HNRNPF: variants seen among roughly 807,000 people sequenced by gnomAD.
HNRNPF encodes HnRNP F protein.
HNRNPF carries 2 observed loss-of-function variants against 26.0 expected under a neutral mutation model. That is an observed-to-expected ratio of 0.08 (90% CI 0.03 to 0.24). The LOEUF (loss-of-function observed/expected upper bound fraction) is 0.24, where lower values mean the gene tolerates loss of function less well. HNRNPF is among the 10% of genes least tolerant of loss of function. The pLI is 1.00. For synonymous variants in HNRNPF, 234 were observed against 211.5 expected, an observed-to-expected ratio of 1.11 and a Z score of -0.92; for missense variants, 299 against 539.2, an observed-to-expected ratio of 0.55 and a Z score of 4.41.
In HNRNPF at chr10:43,385,757, A is replaced by C. The variant is rs1450773222; in HGVS notation, c.*880T>G. On this transcript the variant is annotated 3_prime_UTR_variant, in exon 4 of 4. Coordinates refer to ENST00000682386, the MANE Select transcript of HNRNPF (RefSeq NM_001098204.2). ...CTAGCAGGAAAATTCTGAATGGTTT[A>C]CAACAGTGCACATAAGTTGCAGGTG... The C allele has an allele frequency of 3.3e-5, 5 of 152,264 alleles. No individual in the cohort carries two copies. The highest frequency in any genetic ancestry group is 1.2e-4 in the African/African-American group (5 of 41,472). The allele number at this position is 152,264 out of a possible 1,614,324, so 9.4% of individuals were successfully genotyped here. A position where few individuals can be genotyped will look rare whatever the true frequency, so the allele number is the denominator to read the frequency against.
intron 3 of HNRNPF, among the ~76,000 whole-genome samples, chr10:43,390,793 AT>A (rs1838214520): frequency 6.6e-6 from 1 of 152,088 alleles, no homozygotes; most frequent in South Asian, 2.1e-4. Context: ...CTAAGCTACA[AT>A]TTCTCAGCCT....
intron 1 of HNRNPF, chr10:43,407,765 G>A (rs2131996466): frequency 6.6e-6 from 1 of 152,400 alleles, no homozygotes; most frequent in Admixed American, 6.5e-5. Context: ...AGGACACGCG[G>A]CGCAGCCGAG....
intron 1 of HNRNPF, among the ~76,000 whole-genome samples, chr10:43,407,182 T>C (rs1169182033): frequency 6.6e-6 from 1 of 151,378 alleles, no homozygotes; most frequent in Non-Finnish European, 1.5e-5. Flanking sequence ...CCTGAGGCTG[T>C]GGCCCTGACC....
rs997980727 is a variant in HNRNPF at position 43,387,969 on chromosome 10, A to C, written c.-52-33T>G. The C allele has an allele frequency of 8.4e-7, 1 of 1,188,804 alleles. No homozygotes were observed. Among genetic ancestry groups the C allele is most frequent in the Non-Finnish European group, 1.2e-6 (1 of 850,680 alleles). 73.6% of individuals were successfully genotyped at this position (1,188,804 alleles called of 1,614,324 possible). On this transcript the variant is annotated intron_variant, in intron 3 of 3. Transcript: ENST00000682386. This position sits in a 1 kb window ranked among gnomAD's most constrained non-coding sequence, Gnocchi z 6.0. Reference sequence around the variant, plus strand: ...AAAAAAAAAGAAAAATTTATTTAGTATGCAACAGAAATTTTCCCCATTTTA... The same window carrying C: ...AAAAAAAAAGAAAAATTTATTTAGTCTGCAACAGAAATTTTCCCCATTTTA...
At position 43,387,109 on chromosome 10, in the gene HNRNPF, A is replaced by G; in HGVS notation, c.776T>C (p.Leu259Pro). The G allele has an allele frequency of 6.2e-7, 1 of 1,613,778 alleles. No individual in the cohort carries two copies. The highest frequency in any genetic ancestry group is 8.5e-7 in the Non-Finnish European group (1 of 1,180,036). Reference protein sequence around the residue: ...LSDGYGFTTDLFGRDLSYCLS... With the variant: ...LSDGYGFTTDPFGRDLSYCLS... Reference sequence around the variant, plus strand: ...ACAGTAGCTGAGGTCTCTCCCGAACAGGTCGGTGGTGAAGCCGTAGCCATC... The same window carrying G: ...ACAGTAGCTGAGGTCTCTCCCGAACGGGTCGGTGGTGAAGCCGTAGCCATC... The change falls in exon 4 of 4, where the codon CTG becomes CCG. Residue 259 changes from leucine to proline, a missense_variant. Physicochemically the swap from Leu to Pro is moderately conservative, Grantham distance 98 (BLOSUM62 -3). This residue lies in a region of HNRNPF where 74 missense variants were observed against 77.7 expected (regional missense o/e 0.95). Coordinates refer to ENST00000682386, the MANE Select transcript of HNRNPF (RefSeq NM_001098204.2). The surrounding 1 kb of genome is among the most constrained non-coding windows in gnomAD (Gnocchi z 6.0).
intron 1 of HNRNPF, among the ~76,000 whole-genome samples, chr10:43,399,740 T>C (rs990094825): frequency 6.6e-6 from 1 of 152,168 alleles, no homozygotes; most frequent in Admixed American, 6.5e-5. Flanking sequence ...GAAAAATGAC[T>C]GAGTCTGGAG....
At chr10:43,397,258 C>T (rs1351221707) in intron 1 of HNRNPF, 1 of 152,234 alleles carries the variant, frequency 6.6e-6, no homozygotes, top group Non-Finnish European at 1.5e-5. Flanking sequence ...CCTCGTGATC[C>T]AAGACCGGCA....
At chr10:43,401,508 A>G (rs940393835) in intron 1 of HNRNPF, among the ~76,000 whole-genome samples, 1 of 152,228 alleles carries the variant, frequency 6.6e-6, no homozygotes, top group African/African-American at 2.4e-5. Flanking sequence ...GTTAATAAAA[A>G]GCAAAACTGC....
At chr10:43,408,963 C>G (rs1358491549) in intron 1 of HNRNPF, 168 bp downstream of exon 1, 3 of 152,438 alleles carry the variant, frequency 2.0e-5, no homozygotes, top group Non-Finnish European at 4.4e-5. Context: ...GCGCACGCGG[C>G]TTTGCCGGAA....
At chr10:43,408,034 GCCTCAGCCTCCCGAGTAGCTGGGACAA>G (rs1838987272) in intron 1 of HNRNPF, among the ~76,000 whole-genome samples, 1 of 152,114 alleles carries the variant, frequency 6.6e-6, no homozygotes, top group Non-Finnish European at 1.5e-5. Flanking sequence ...CGACCCTCCC[GCCTCAGCCTCCCGAGTAGCTGGGACAA>G]CAGGCGCGCG....
intron 1 of HNRNPF, chr10:43,396,886 G>C (rs1411679393): frequency 8.6e-6 from 1 of 116,024 alleles, no homozygotes; most frequent in South Asian, 3.1e-4. Flanking sequence ...AGGGCGCCTC[G>C]CGGGAGGGGG....
At chr10:43,392,571 TA>T (rs1436528820) in intron 3 of HNRNPF, among the ~76,000 whole-genome samples, 2 of 152,144 alleles carry the variant, frequency 1.3e-5, no homozygotes, top group African/African-American at 4.8e-5. Context: ...ATGATCCTAC[TA>T]TACAGATCTC....
At chr10:43,388,715 G>T (rs1838126795) in intron 3 of HNRNPF, among the ~76,000 whole-genome samples, 2 of 152,220 alleles carry the variant, frequency 1.3e-5, no homozygotes, top group Admixed American at 1.3e-4. Flanking sequence ...GGAAGAAAGG[G>T]CAATCGCAAG....
intron 3 of HNRNPF, among the ~76,000 whole-genome samples, chr10:43,393,831 C>T (rs1027414220): frequency 6.6e-6 from 1 of 152,180 alleles, no homozygotes; most frequent in East Asian, 1.9e-4. Flanking sequence ...TGGAATGTGG[C>T]AAGCTCTCTG....
At position 43,386,567 on chromosome 10, in the gene HNRNPF, A is replaced by C; in HGVS notation, c.*70T>G. 1 of 1,431,594 alleles carries C rather than the reference A, an allele frequency of 7.0e-7. No homozygotes were observed. Among genetic ancestry groups the C allele is most frequent in the Non-Finnish European group, 9.3e-7 (1 of 1,075,898 alleles). 88.7% of individuals were successfully genotyped at this position (1,431,594 alleles called of 1,614,324 possible). A position where few individuals can be genotyped will look rare whatever the true frequency, so the allele number is the denominator to read the frequency against. The stretch of plus-strand genomic sequence containing the variant: ...AATGGGTCCCCCAGCTTCCTCTATT[A>C]TAACTGCTCTTAATTGCTTGTTGGC... On this transcript the variant is annotated 3_prime_UTR_variant, in exon 4 of 4. Coordinates refer to ENST00000682386, the MANE Select transcript of HNRNPF (RefSeq NM_001098204.2).
chr10:43,398,411 G>C (rs931662296), intron 1 of HNRNPF, among the ~76,000 whole-genome samples: 3 of 147,322 alleles, frequency 2.0e-5, no homozygotes, highest in African/African-American at 5.1e-5. Flanking sequence ...GCACGATCTC[G>C]GCTCACTGCA....
chr10:43,388,380 GA>G (rs1838114294), intron 3 of HNRNPF, among the ~76,000 whole-genome samples: 1 of 152,164 alleles, frequency 6.6e-6, no homozygotes, highest in Non-Finnish European at 1.5e-5. Flanking sequence ...TAAGGGATGG[GA>G]ACATAGCAGG....
At position 43,387,743 on chromosome 10, in the gene HNRNPF, T is replaced by A. The variant is rs764865284; in HGVS notation, c.142A>T (p.Thr48Ser). 6.2e-7 allele frequency: 1 copy of A among 1,614,080 alleles called. No individual in the cohort carries two copies. Among genetic ancestry groups the A allele is most frequent in the South Asian group, 1.1e-5 (1 of 91,076 alleles). The change falls in exon 4 of 4, where the codon ACT becomes TCT. Residue 48 changes from threonine to serine, a missense_variant. Physicochemically the swap from Thr to Ser is moderately conservative, Grantham distance 58. Coordinates refer to ENST00000682386, the MANE Select transcript of HNRNPF (RefSeq NM_001098204.2). The surrounding 1 kb of genome is among the most constrained non-coding windows in gnomAD (Gnocchi z 6.0). ...DGAAGVHFIY[T>S]REGRQSGEAF... ...TCACCACTCTGCCTGCCCTCTCTAG[T>A]GTAGATGAAATGGACACCTGCGGCC... is the stretch of plus-strand genomic sequence containing the variant.
chr10:43,390,461 C>T (rs1247864521), intron 3 of HNRNPF, among the ~76,000 whole-genome samples: 1 of 152,154 alleles, frequency 6.6e-6, no homozygotes, highest in East Asian at 1.9e-4. Context: ...GGACTCCTAC[C>T]TCCAATGATT....
Sources: gnomAD v4.1 joint callset for allele counts (sites outside exome capture counted in the v4.1 genomes callset) on GRCh38, gnomAD v4.1.1 for gene constraint, gnomAD v4.1.1 regional missense constraint, Gnocchi (gnomAD v3.1) non-coding constraint, MANE v1.5 for transcripts, NCBI Gene and HGNC (gene_info 2026-07-23, HGNC 2026-07-21) for gene names.